IHO1: variants seen among roughly 807,000 people sequenced by gnomAD.
IHO1 encodes the protein interactor of HORMAD1 1.
A neutral mutation model predicts 31.0 loss-of-function variants in IHO1; 13 were observed. The ratio of observed to expected loss-of-function variants is 0.42; its 90% CI spans 0.27 to 0.67. IHO1 has a LOEUF of 0.67. Ranked by LOEUF, IHO1 falls within the 30% of genes least tolerant of loss-of-function variation. The pLI is 0.24. For missense variants in IHO1, 599 were observed against 687.5 expected (o/e 0.87, Z 1.44); for synonymous variants, 221 against 248.4 (o/e 0.89, Z 1.04).
chr3:49,237,605 TATACATATATATTTGCCTAAGGCTA>T (rs1460374601), intron 3 of IHO1, among the ~76,000 whole-genome samples: 15 of 151,784 alleles, frequency 9.9e-5, no homozygotes, highest in African/African-American at 3.6e-4. Flanking sequence ...GGCAAATATA[TATACATATATATTTGCCTAAGGCTA>T]GTCATACTAT....
At chr3:49,196,470 C>G (rs1304336177), upstream of IHO1, among the ~76,000 whole-genome samples, 2 of 148,656 alleles carry the variant, frequency 1.3e-5, no homozygotes, top group South Asian at 2.1e-4. Context: ...AGGCGCCCAC[C>G]ACCACGCCCG....
intron 4 of IHO1, among the ~76,000 whole-genome samples, chr3:49,242,144 T>C (rs2046639686): frequency 6.6e-6 from 1 of 152,092 alleles, no homozygotes; most frequent in Non-Finnish European, 1.5e-5. Context: ...GGGTTCGCCA[T>C]GTTGGCCAGG....
chr3:49,195,101 A>G (rs2045989268), upstream of IHO1, among the ~76,000 whole-genome samples: 2 of 151,930 alleles, frequency 1.3e-5, no homozygotes, highest in Admixed American at 1.3e-4. Context: ...ATAAATAAAT[A>G]ATTTTAAAAA....
intron 2 of IHO1, among the ~76,000 whole-genome samples, chr3:49,212,794 C>T (rs993186453): frequency 4.6e-5 from 7 of 152,102 alleles, no homozygotes; most frequent in Admixed American, 2.0e-4. Flanking sequence ...AAAGGCAGTG[C>T]GGACCCAAAG....
intron 1 of IHO1, among the ~76,000 whole-genome samples, chr3:49,201,310 A>G (rs1339057792): frequency 6.6e-6 from 1 of 151,604 alleles, no homozygotes; most frequent in East Asian, 2.0e-4. Flanking sequence ...ACAATTTTTA[A>G]AAATTGGGCC....
chr3:49,215,674 C>T (rs2046279044), intron 2 of IHO1, among the ~76,000 whole-genome samples: 1 of 152,142 alleles, frequency 6.6e-6, no homozygotes, highest in Admixed American at 6.6e-5. Flanking sequence ...AGCTTAGCCT[C>T]AAATCCATCT....
chr3:49,199,471 C>T (rs937302981), upstream of IHO1: 6 of 152,170 alleles, frequency 3.9e-5, no homozygotes, highest in Non-Finnish European at 7.3e-5. Context: ...CAGAAGAGGA[C>T]CTGGGGGCGG....
At chr3:49,221,463 C>A (rs2046355159) in intron 2 of IHO1, among the ~76,000 whole-genome samples, 1 of 152,234 alleles carries the variant, frequency 6.6e-6, no homozygotes. Flanking sequence ...CAGAAAAGTT[C>A]TCCAAGTCCC....
At chr3:49,200,494 A>AGAAG (rs2046049651) in intron 1 of IHO1, 1 of 762,440 alleles carries the variant, frequency 1.3e-6, no homozygotes, top group African/African-American at 2.0e-5. Flanking sequence ...AAAGAAAGAA[A>AGAAG]GAAAGAAAGA....
chr3:49,205,214 A>G (rs1437742755), intron 1 of IHO1, among the ~76,000 whole-genome samples: 1 of 152,170 alleles, frequency 6.6e-6, no homozygotes, highest in Non-Finnish European at 1.5e-5. Context: ...CATATAGGGT[A>G]ACTTCTGGAT....
rs779928756 is a variant in IHO1, at chr3:49,256,993, C to T, written c.1496C>T (p.Pro499Leu). 1 of 1,614,196 alleles carries T rather than the reference C, an allele frequency of 6.2e-7. No individual in the cohort carries two copies. The highest frequency in any genetic ancestry group is 8.5e-7 in the Non-Finnish European group (1 of 1,180,032). The part of the protein sequence containing the change: ...FLGQQEPRAQ[P>L]LHLQCPRSPR... ...GGGCAGCAGGAACCCCGTGCTCAGC[C>T]TCTGCATCTGCAGTGTCCCAGGAGC... The change falls in exon 8 of 8, where the codon CCT becomes CTT. Residue 499 changes from proline (P) to leucine (L), a missense_variant. Transcript: ENST00000452691. This position sits in a 1 kb window ranked among gnomAD's most constrained non-coding sequence, Gnocchi z 4.6.
At chr3:49,221,630 G>A (rs1333693958) in intron 2 of IHO1, among the ~76,000 whole-genome samples, 2 of 152,202 alleles carry the variant, frequency 1.3e-5, no homozygotes, top group African/African-American at 4.8e-5. Flanking sequence ...CCTCCAGAGG[G>A]GAACTCTCTA....
chr3:49,247,068 C>G (rs1447446328), intron 6 of IHO1, among the ~76,000 whole-genome samples: 1 of 150,760 alleles, frequency 6.6e-6, no homozygotes, highest in African/African-American at 2.4e-5. Context: ...AGGCTGGTCT[C>G]GAACTCCTAA....
At position 49,216,713 on chromosome 3, in the gene IHO1, G is replaced by A. The variant is rs369056124; in HGVS notation, c.56+4877G>A. Among the ~76,000 whole-genome samples the A allele has an allele frequency of 1.5e-4, 22 of 150,260 alleles. No individual in the cohort carries two copies. In the East Asian group the frequency reaches 2.0e-3, roughly 14 times the overall value. ...TCATCAGAGTGAACAGGCACCCTAC[G>A]GAATGGGAGAAAATTTTTGCAATCT... On this transcript the variant is annotated intron_variant, in intron 2 of 7. Coordinates refer to ENST00000452691, the MANE Select transcript of IHO1 (RefSeq NM_001135197.2).
At chr3:49,218,339 A>T (rs2046314258) in intron 2 of IHO1, among the ~76,000 whole-genome samples, 1 of 150,672 alleles carries the variant, frequency 6.6e-6, no homozygotes, top group South Asian at 2.1e-4. Context: ...CAAGCCCCCA[A>T]GAGACCCCTG....
upstream of IHO1, among the ~76,000 whole-genome samples, chr3:49,195,837 A>C (rs540869180): frequency 8.9e-4 from 133 of 150,242 alleles, no homozygotes; most frequent in South Asian, 0.011. Context: ...CGCGGTGGCT[A>C]ACGCCTGTAA....
intron 6 of IHO1, among the ~76,000 whole-genome samples, chr3:49,252,851 T>A (rs1444096866): frequency 6.6e-6 from 1 of 151,832 alleles, no homozygotes; most frequent in Non-Finnish European, 1.5e-5. Context: ...GAGATCATCC[T>A]GGCCAACATG....
Position 49,256,465 on chromosome 3 carries a change from A to G in IHO1, c.968A>G (p.Glu323Gly), listed in dbSNP as rs750965870. The G allele has an allele frequency of 2.5e-6, 4 of 1,614,074 alleles. No homozygotes were observed. The African/African-American group carries it at 4.0e-5, about 16-fold the overall frequency. ...LQPGEFDVWG[E>G]GAKNDDLQEE... ...CCTGGAGAATTTGATGTCTGGGGTGAAGGAGCAAAGAATGATGATCTCCAA... is the reference window on the plus strand; with the variant it reads ...CCTGGAGAATTTGATGTCTGGGGTGGAGGAGCAAAGAATGATGATCTCCAA... The change falls in exon 8 of 8, where the codon GAA (glutamate) becomes GGA (glycine). Residue 323 changes from glutamate (E) to glycine (G), a missense_variant. Physicochemically the swap from Glu to Gly is moderately conservative, Grantham distance 98 (BLOSUM62 -2). Coordinates refer to ENST00000452691, the MANE Select transcript of IHO1 (RefSeq NM_001135197.2). This position sits in a 1 kb window ranked among gnomAD's most constrained non-coding sequence, Gnocchi z 4.6.
chr3:49,214,873 C>G (rs995635083), intron 2 of IHO1, among the ~76,000 whole-genome samples: 1 of 151,462 alleles, frequency 6.6e-6, no homozygotes, highest in Non-Finnish European at 1.5e-5. Context: ...CAACTGACCT[C>G]AGGTGATCTG....
Sources: gnomAD v4.1 joint callset for allele counts (sites outside exome capture counted in the v4.1 genomes callset) on GRCh38, gnomAD v4.1.1 for gene constraint, Gnocchi (gnomAD v3.1) non-coding constraint, MANE v1.5 for transcripts, NCBI Gene and HGNC (gene_info 2026-07-23, HGNC 2026-07-21) for gene names.